The following MGST1 variants were observed in gnomAD, a reference collection of about 807,000 sequenced individuals.
The protein encoded by MGST1 is microsomal glutathione S-transferase 1, also known as glutathione S-transferase 12.
MGST1 carries 5 observed loss-of-function variants against 8.9 expected under a neutral mutation model. That is an observed-to-expected ratio of 0.56 (90% CI 0.29 to 1.19). The LOEUF is 1.19. Ranked by LOEUF, MGST1 falls within the 50% of genes most tolerant of loss-of-function variation. The pLI is 0.08. For synonymous variants in MGST1, 54 were observed against 67.8 expected, an observed-to-expected ratio of 0.80 and a Z score of 1.00; for missense variants, 182 against 187.4, an observed-to-expected ratio of 0.97 and a Z score of 0.17.
chr12:16,546,042 T>C lies in MGST1; in HGVS notation n.483-43486T>C, dbSNP rs1230369013. 6.6e-6 allele frequency among the ~76,000 whole-genome samples: 1 copy of C among 152,068 alleles called. No homozygotes were observed. Among genetic ancestry groups the C allele is most frequent in the Non-Finnish European group, 1.5e-5 (1 of 67,966 alleles). On this transcript the variant is annotated intron_variant and non_coding_transcript_variant, in intron 4 of 4. Transcript: ENST00000538857. This position sits in a 1 kb window ranked among gnomAD's most constrained non-coding sequence, Gnocchi z 4.7. ...GCGAATTAAGTAACCTGGCTGTGCT[T>C]TCATTTTAATAGTACCTGTGTCACA...
chr12:16,392,218 C>T (rs922226394), intron 1 of MGST1, among the ~76,000 whole-genome samples: 6 of 152,134 alleles, frequency 3.9e-5, no homozygotes, highest in African/African-American at 1.4e-4. Context: ...ACTTGTCAAT[C>T]TTATCTCTAG....
intron 1 of MGST1, among the ~76,000 whole-genome samples, chr12:16,393,976 C>T (rs546286883): frequency 1.8e-4 from 27 of 152,286 alleles, no homozygotes; most frequent in East Asian, 3.8e-4. Flanking sequence ...AATGCTGGCA[C>T]GAACATTCAG....
chr12:16,499,258 G>A (rs956078265), intron 4 of MGST1, among the ~76,000 whole-genome samples: 2 of 152,138 alleles, frequency 1.3e-5, no homozygotes, highest in Non-Finnish European at 2.9e-5. Context: ...ACTTCGAATA[G>A]CTATTTGCAA....
intron 4 of MGST1, chr12:16,514,329 C>T: frequency 3.4e-6 from 1 of 296,540 alleles, no homozygotes; most frequent in Non-Finnish European, 6.7e-6. Flanking sequence ...CCATGTATTC[C>T]AACCCTCCCC....
chr12:16,567,437 A>C (rs1284172196), intron 4 of MGST1: 2 of 152,328 alleles, frequency 1.3e-5, no homozygotes, highest in Non-Finnish European at 2.9e-5. Context: ...TCTACAATAA[A>C]GGGGAGGATG....
At position 16,517,591 on chromosome 12, in the gene MGST1, TA is replaced by T. The variant is rs973849906; in HGVS notation, n.483-71935del. On this transcript the variant is annotated intron_variant and non_coding_transcript_variant, in intron 4 of 4. Transcript: ENST00000538857. This position sits in a 1 kb window ranked among gnomAD's most constrained non-coding sequence, Gnocchi z 4.2. Reference sequence around the variant, plus strand: ...ACAAAACAGAGACAGCAGGTATCAGTAATATTTTGTTATAGTAGCACAAAAT... The same window carrying T: ...ACAAAACAGAGACAGCAGGTATCAGTATATTTTGTTATAGTAGCACAAAAT... Among the ~76,000 whole-genome samples the T allele has an allele frequency of 6.0e-4, 91 of 152,190 alleles. No homozygotes were observed. Among genetic ancestry groups the T allele is most frequent in the African/African-American group, 2.1e-3 (88 of 41,458 alleles).
At chr12:16,489,896 T>C (rs1288040847) in intron 4 of MGST1, among the ~76,000 whole-genome samples, 2 of 152,140 alleles carry the variant, frequency 1.3e-5, no homozygotes, top group Admixed American at 1.3e-4. Context: ...GGGAAGAACA[T>C]ACTTTCCAAC....
intron 1 of MGST1, among the ~76,000 whole-genome samples, chr12:16,392,716 GT>G (rs1341348744): frequency 6.6e-6 from 1 of 151,888 alleles, no homozygotes; most frequent in African/African-American, 2.4e-5. Flanking sequence ...TTATTTTCCT[GT>G]CTCTATATCT....
At chr12:16,461,789 G>T (rs920978548) in intron 4 of MGST1, among the ~76,000 whole-genome samples, 1 of 151,978 alleles carries the variant, frequency 6.6e-6, no homozygotes, top group East Asian at 1.9e-4. Flanking sequence ...CAAAACAATT[G>T]GTTGTTTTTC....
At position 16,517,295 on chromosome 12, in the gene MGST1, G is replaced by T. The variant is rs886530499; in HGVS notation, n.483-72233G>T. Among the ~76,000 whole-genome samples the T allele has an allele frequency of 5.3e-5, 8 of 152,124 alleles. No homozygotes were observed. Among genetic ancestry groups the T allele is most frequent in the Admixed American group, 3.9e-4 (6 of 15,276 alleles). On this transcript the variant is annotated intron_variant and non_coding_transcript_variant, in intron 4 of 4. Transcript: ENST00000538857. This position sits in a 1 kb window ranked among gnomAD's most constrained non-coding sequence, Gnocchi z 4.2. Reference sequence around the variant, plus strand: ...TCCCAATGCAATAGTGTCAAGAGGTGGAAGCTTTAAAAGGTGATTAAGTCA... The same window carrying T: ...TCCCAATGCAATAGTGTCAAGAGGTTGAAGCTTTAAAAGGTGATTAAGTCA...
At chr12:16,448,014 C>CATCTATGTATGGTAGTA (rs1450417788) in intron 4 of MGST1, among the ~76,000 whole-genome samples, 1 of 151,648 alleles carries the variant, frequency 6.6e-6, no homozygotes, top group Non-Finnish European at 1.5e-5. Flanking sequence ...CATTGGGAGT[C>CATCTATGTATGGTAGTA]ATCTATGTAT....
downstream of MGST1, among the ~76,000 whole-genome samples, chr12:16,378,542 T>G (rs1437074379): frequency 1.2e-4 from 18 of 152,086 alleles, no homozygotes; most frequent in African/African-American, 4.3e-4. Context: ...CTGTTTTGGT[T>G]ACTGTAGCCT....
At chr12:16,508,053 G>T (rs531146061) in intron 4 of MGST1, among the ~76,000 whole-genome samples, 1 of 152,212 alleles carries the variant, frequency 6.6e-6, no homozygotes, top group South Asian at 2.1e-4. Flanking sequence ...CTTTTCTGAG[G>T]TGAGGAAGAA....
intron 3 of MGST1, chr12:16,360,430 A>C (rs2287150): frequency 0.079 from 72,050 of 914,210 alleles, 3,150 homozygotes; most frequent in East Asian, 0.22. Flanking sequence ...GGAACAATTA[A>C]CTAAAAACTT....
At chr12:16,431,518 T>C (rs1004715612) in intron 1 of MGST1, among the ~76,000 whole-genome samples, 17 of 152,032 alleles carry the variant, frequency 1.1e-4, no homozygotes, top group African/African-American at 3.6e-4. Context: ...TATTTCAATA[T>C]TGTGTTTCAT....
chr12:16,424,656 C>G (rs905172946), intron 1 of MGST1, among the ~76,000 whole-genome samples: 2 of 152,196 alleles, frequency 1.3e-5, no homozygotes, highest in African/African-American at 4.8e-5. Context: ...CAGTGACACT[C>G]CAGTTTCACA....
intron 1 of MGST1, among the ~76,000 whole-genome samples, chr12:16,416,019 C>A (rs577275751): frequency 6.6e-6 from 1 of 152,148 alleles, no homozygotes; most frequent in East Asian, 1.9e-4. Context: ...ATTTAGTAGT[C>A]CTTTTCATGT....
chr12:16,508,788 G>C (rs1488401217), intron 4 of MGST1, among the ~76,000 whole-genome samples: 3 of 152,170 alleles, frequency 2.0e-5, no homozygotes, highest in Non-Finnish European at 4.4e-5. Context: ...TAATGGCTAA[G>C]AACCATAAAA....
rs11292991 is a variant in MGST1 at position 16,469,178 on chromosome 12, C to CTTTTT, written n.482+85592_482+85596dup. ...ACATAACATGCATAATGCTCTATTCCTTTTTTTTTTTTTTTTTTTTTTGGA... is the reference window on the plus strand; with the variant it reads ...ACATAACATGCATAATGCTCTATTCCTTTTTTTTTTTTTTTTTTTTTTTTTTTGGA... On this transcript the variant is annotated intron_variant and non_coding_transcript_variant, in intron 4 of 4. Transcript: ENST00000538857. Among the ~76,000 whole-genome samples, 20 of 77,550 alleles carry CTTTTT rather than the reference C, an allele frequency of 2.6e-4. 1 individual carries two copies. The highest frequency in any genetic ancestry group is 5.1e-4 in the South Asian group (1 of 1,958). 50.9% of individuals were successfully genotyped at this position (77,550 alleles called of 152,430 possible). A position where few individuals can be genotyped will look rare whatever the true frequency, so the allele number is the denominator to read the frequency against.
Sources: allele counts gnomAD v4.1 joint callset (sites outside exome capture counted in the v4.1 genomes callset), GRCh38; gene constraint gnomAD v4.1.1; non-coding constraint Gnocchi (gnomAD v3.1); transcripts MANE v1.5; gene names NCBI Gene and HGNC (gene_info 2026-07-23, HGNC 2026-07-21).